Variants in MFN1 observed in about 807,000 individuals in gnomAD.
The protein encoded by MFN1 is mitofusin 1.
A neutral mutation model predicts 92.4 loss-of-function variants in MFN1; 65 were observed. The ratio of observed to expected loss-of-function variants is 0.70; its 90% confidence interval spans 0.58 to 0.86. The LOEUF is 0.86. Ranked by LOEUF, MFN1 falls within the 40% of genes least tolerant of loss-of-function variation. The pLI, the probability that MFN1 is intolerant of heterozygous loss-of-function variation, is 0.00. For synonymous variants in MFN1, 297 were observed against 300.9 expected (o/e 0.99, Z 0.13); for missense variants, 781 against 868.0 (o/e 0.90, Z 1.26).
At chr3:179,386,929 C>A (rs764418082) in intron 16 of MFN1, among the ~76,000 whole-genome samples, 7 of 151,300 alleles carry the variant, frequency 4.6e-5, no homozygotes, top group Non-Finnish European at 1.0e-4. Flanking sequence ...AATTTTTTTT[C>A]TTTTTTTTCA....
intron 1 of MFN1, chr3:179,348,225 C>T (rs1468112269): frequency 1.3e-5 from 2 of 152,330 alleles, no homozygotes; most frequent in African/African-American, 4.8e-5. Flanking sequence ...AATCCGCCTT[C>T]TTTATGGCCA....
At chr3:179,391,849 A>G (rs1049680268) in intron 17 of MFN1, 132 bp from the exon 18 acceptor site, 1 of 594,384 alleles carries the variant, frequency 1.7e-6, no homozygotes, top group Admixed American at 3.1e-5. Context: ...ATCCCGTGTA[A>G]GGTATGATTC....
intron 1 of MFN1, 58 bp from the exon 2 acceptor site, chr3:179,348,787 A>G (rs1560187750): frequency 1.3e-6 from 2 of 1,571,674 alleles, no homozygotes; most frequent in Admixed American, 3.5e-5. Flanking sequence ...GTGTGTCATC[A>G]GTTTGCATGT....
At chr3:179,379,367 C>T (rs899084339) in intron 14 of MFN1, among the ~76,000 whole-genome samples, 7 of 151,990 alleles carry the variant, frequency 4.6e-5, no homozygotes, top group African/African-American at 7.3e-5. Flanking sequence ...AGTGGGGATG[C>T]GTTTGAGACA....
At chr3:179,370,165 G>A (rs1368215816) in intron 9 of MFN1, among the ~76,000 whole-genome samples, 7 of 152,068 alleles carry the variant, frequency 4.6e-5, no homozygotes, top group Admixed American at 3.9e-4. Context: ...TGATTTCTTA[G>A]AAATTGGTGT....
intron 3 of MFN1, among the ~76,000 whole-genome samples, chr3:179,353,264 C>A (rs1712224431): frequency 6.7e-6 from 1 of 148,872 alleles, no homozygotes; most frequent in African/African-American, 2.5e-5. Context: ...TGGGGTTTCA[C>A]CATGTTGCCC....
chr3:179,376,038 T>C (rs1461358617), intron 10 of MFN1, among the ~76,000 whole-genome samples: 1 of 151,978 alleles, frequency 6.6e-6, no homozygotes, highest in Non-Finnish European at 1.5e-5. Context: ...CTTAAGCCAG[T>C]TGAAGGAAAC....
chr3:179,371,895 A>C (rs962212778), intron 9 of MFN1, among the ~76,000 whole-genome samples: 23 of 152,026 alleles, frequency 1.5e-4, no homozygotes, highest in African/African-American at 5.3e-4. Flanking sequence ...TTGATGTGTT[A>C]GGTAACAAGC....
chr3:179,352,100 C>G (rs1345511791), intron 3 of MFN1, 65 bp downstream of exon 3: 1 of 1,482,072 alleles, frequency 6.7e-7, no homozygotes, highest in African/African-American at 1.4e-5. Context: ...GATGTTTCAA[C>G]AAGTAATATT....
chr3:179,357,965 T>C (rs1294645206), intron 3 of MFN1, among the ~76,000 whole-genome samples: 1 of 152,096 alleles, frequency 6.6e-6, no homozygotes, highest in Non-Finnish European at 1.5e-5. Context: ...AGACTAGGAC[T>C]GTTGAGTAGA....
chr3:179,385,210 G>C (rs112192182), intron 14 of MFN1, among the ~76,000 whole-genome samples: 220 of 115,886 alleles, frequency 1.9e-3, no homozygotes, highest in Middle Eastern at 7.9e-3. Flanking sequence ...ACCGCGCCCG[G>C]CCGAAGTCCT....
At position 179,394,338 on chromosome 3, in the gene MFN1, T is replaced by C. The variant is rs1714011854; in HGVS notation, c.*2279T>C. 1 of 152,122 alleles carries C rather than the reference T, an allele frequency of 6.6e-6. No homozygotes were observed. Among genetic ancestry groups the C allele is most frequent in the Admixed American group, 6.5e-5 (1 of 15,274 alleles). The allele number at this position is 152,122 out of a possible 1,614,324, so 9.4% of individuals were successfully genotyped here. A position where few individuals can be genotyped will look rare whatever the true frequency, so the allele number is the denominator to read the frequency against. ...GGCAACTTTTTCATCACTTGTTTTA[T>C]GTAGTTGTCTGATCAATTGTGAAAA... On this transcript the variant is annotated 3_prime_UTR_variant, in exon 18 of 18. Transcript: ENST00000471841.
In MFN1 at chr3:179,385,563, TGGCA is replaced by T; in HGVS notation, c.1663-4_1663-1del. 6.4e-7 allele frequency: 1 copy of T among 1,571,160 alleles called. No individual in the cohort carries two copies. The highest frequency in any genetic ancestry group is 8.6e-7 in the Non-Finnish European group (1 of 1,167,670). ...ATCTTTTTTCCTTTCTCTTTTTTTT[TGGCA>T]GCTCCCTAGATCTTTAGCTTCTACT... On this transcript the variant is annotated splice_acceptor_variant and splice_polypyrimidine_tract_variant and intron_variant, in intron 14 of 17. Transcript: ENST00000471841. LOFTEE classifies it high-confidence loss of function.
At chr3:179,375,177 C>G (rs764804098) in intron 9 of MFN1, 43 bp from the exon 10 acceptor site, 1 of 1,499,256 alleles carries the variant, frequency 6.7e-7, no homozygotes, top group Non-Finnish European at 8.9e-7. Context: ...GAAAATGTTG[C>G]GATGGAATTA....
intron 9 of MFN1, among the ~76,000 whole-genome samples, chr3:179,372,366 A>G (rs1713058136): frequency 6.6e-6 from 1 of 151,590 alleles, no homozygotes; most frequent in African/African-American, 2.4e-5. Context: ...ACATATATAA[A>G]TTTATATTAT....
At chr3:179,357,005 C>T (rs976123437) in intron 3 of MFN1, among the ~76,000 whole-genome samples, 1 of 152,014 alleles carries the variant, frequency 6.6e-6, no homozygotes, top group African/African-American at 2.4e-5. Flanking sequence ...GTGTAGAGGT[C>T]GTTGATTGGT....
intron 4 of MFN1, among the ~76,000 whole-genome samples, chr3:179,361,027 G>A (rs1712554482): frequency 6.6e-6 from 1 of 152,132 alleles, no homozygotes; most frequent in African/African-American, 2.4e-5. Flanking sequence ...GAGTGGCTGA[G>A]GTGGGAGGAT....
At chr3:179,360,987 A>T (rs1366858944) in intron 4 of MFN1, among the ~76,000 whole-genome samples, 2 of 152,056 alleles carry the variant, frequency 1.3e-5, no homozygotes, top group African/African-American at 2.4e-5. Flanking sequence ...AGCCAAGCAT[A>T]GTGGCGCATA....
chr3:179,382,753 T>A (rs1438210331), intron 14 of MFN1, among the ~76,000 whole-genome samples: 1 of 152,232 alleles, frequency 6.6e-6, no homozygotes, highest in African/African-American at 2.4e-5. Flanking sequence ...GACTTTGTAA[T>A]GATTGCCATT....
Sources: allele counts gnomAD v4.1 joint callset (sites outside exome capture counted in the v4.1 genomes callset), GRCh38; gene constraint gnomAD v4.1.1; transcripts MANE v1.5; gene names NCBI Gene and HGNC (gene_info 2026-07-23, HGNC 2026-07-21).